The following UGGT2 variants were observed in gnomAD, a reference collection of about 807,000 sequenced individuals.
UGGT2 encodes the protein UDP-glucose:glycoprotein glucosyltransferase 2.
A neutral mutation model predicts 192.1 loss-of-function variants in UGGT2; 180 were observed. That is an observed-to-expected ratio of 0.94 (90% CI 0.83 to 1.06). The LOEUF (loss-of-function observed/expected upper bound fraction) is 1.06. UGGT2 is among the 50% of genes least tolerant of loss of function. The pLI is 0.00. For missense variants in UGGT2, 1,849 were observed against 1,795.7 expected (o/e 1.03, Z -0.54); for synonymous variants, 580 against 591.0 (o/e 0.98, Z 0.27).
Position 95,808,973 on chromosome 13 carries a change from T to C in UGGT2, c.4529-7161A>G, listed in dbSNP as rs544284794. 1.5e-4 allele frequency among the ~76,000 whole-genome samples: 23 copies of C among 152,310 alleles called. 1 individual carries two copies. The South Asian group carries it at 4.8e-3, about 32-fold the overall frequency. ...TTCAGTACAGGACCGTGACTCCATATTGCTGTTTAGTATGCTTTGTATTAT... is the reference window on the plus strand; with the variant it reads ...TTCAGTACAGGACCGTGACTCCATACTGCTGTTTAGTATGCTTTGTATTAT... On this transcript the variant is annotated intron_variant, in intron 38 of 38. Coordinates refer to ENST00000376747, the MANE Select transcript of UGGT2 (RefSeq NM_020121.4).
intron 38 of UGGT2, among the ~76,000 whole-genome samples, chr13:95,811,518 A>G (rs769509724): frequency 6.6e-6 from 1 of 152,154 alleles, no homozygotes; most frequent in Non-Finnish European, 1.5e-5. Context: ...GAGGTAGTGA[A>G]TATGTTCTAA....
At chr13:95,968,936 CTT>C (rs2050678821) in intron 12 of UGGT2, among the ~76,000 whole-genome samples, 1 of 152,140 alleles carries the variant, frequency 6.6e-6, no homozygotes, top group Admixed American at 6.6e-5. Flanking sequence ...ATGACTGTCT[CTT>C]GACTGGGTCC....
At chr13:95,963,791 C>T (rs1370519524) in intron 12 of UGGT2, among the ~76,000 whole-genome samples, 2 of 151,810 alleles carry the variant, frequency 1.3e-5, no homozygotes, top group African/African-American at 2.4e-5. Flanking sequence ...ACAGTAGCTG[C>T]AAAAAATACT....
intron 7 of UGGT2, among the ~76,000 whole-genome samples, chr13:95,994,159 T>G (rs1397102721): frequency 6.6e-6 from 1 of 152,036 alleles, no homozygotes; most frequent in African/African-American, 2.4e-5. Flanking sequence ...TTCTATAAAG[T>G]TTTTAGTTTT....
intron 10 of UGGT2, among the ~76,000 whole-genome samples, chr13:95,976,897 A>C (rs1468584698): frequency 6.6e-6 from 1 of 152,176 alleles, no homozygotes; most frequent in Non-Finnish European, 1.5e-5. Context: ...ACAACACCAC[A>C]CATCTACAAC....
chr13:95,938,132 T>G (rs549857079), intron 16 of UGGT2, among the ~76,000 whole-genome samples: 1 of 152,326 alleles, frequency 6.6e-6, no homozygotes, highest in South Asian at 2.1e-4. Flanking sequence ...CCCAGCCACG[T>G]GGAACTGTAA....
chr13:95,818,186 G>A (rs1007679951), intron 38 of UGGT2, among the ~76,000 whole-genome samples: 3 of 152,078 alleles, frequency 2.0e-5, no homozygotes, highest in South Asian at 2.1e-4. Flanking sequence ...AATGGTGCAC[G>A]CCTGTAGTCC....
At chr13:96,051,042 T>C (rs190343548) in intron 1 of UGGT2, among the ~76,000 whole-genome samples, 59 of 152,336 alleles carry the variant, frequency 3.9e-4, no homozygotes, top group South Asian at 2.5e-3. Context: ...CACATGTTTA[T>C]TGCGGCACTA....
intron 9 of UGGT2, chr13:95,985,191 CCATTA>C (rs2051250755): frequency 2.3e-6 from 2 of 872,138 alleles, no homozygotes; most frequent in Non-Finnish European, 3.1e-6. Context: ...TTTATAACGG[CCATTA>C]ATTAAAATAT....
At chr13:95,943,173 T>C (rs1249316682) in intron 15 of UGGT2, among the ~76,000 whole-genome samples, 4 of 152,246 alleles carry the variant, frequency 2.6e-5, no homozygotes, top group Admixed American at 6.5e-5. Flanking sequence ...GTCTCACCCA[T>C]TTTGAGTCTT....
At position 95,867,388 on chromosome 13, in the gene UGGT2, T is replaced by C. The variant is rs772158893; in HGVS notation, c.3509A>G (p.Asp1170Gly). The change falls in exon 30 of 39, where the codon GAT (aspartate) becomes GGT (glycine). Residue 1170 changes from aspartate (D) to glycine (G), a missense_variant. Coordinates refer to ENST00000376747, the MANE Select transcript of UGGT2 (RefSeq NM_020121.4). ...GAAGCTGTTTAATACAACAATGATA[T>C]CTTCTAGGTCTGCTTGAGAGTCAGT... ...EGTDSQADLEDIIVVLNSFKS... is the reference protein window; with the variant it reads ...EGTDSQADLEGIIVVLNSFKS... 6 of 1,608,834 alleles carry C rather than the reference T, an allele frequency of 3.7e-6. No homozygotes were observed. The highest frequency in any genetic ancestry group is 1.7e-5 in the Admixed American group (1 of 59,106).
intron 35 of UGGT2, among the ~76,000 whole-genome samples, 190 bp from the exon 36 acceptor site, chr13:95,853,847 T>C (rs1288031430): frequency 1.3e-5 from 2 of 152,212 alleles, no homozygotes; most frequent in African/African-American, 2.4e-5. Flanking sequence ...TGTTTTAATT[T>C]TGGTAGAACC....
chr13:95,854,448 G>C lies in UGGT2; in HGVS notation c.4036C>G (p.Arg1346Gly). The C allele has an allele frequency of 6.2e-7, 1 of 1,610,272 alleles. No homozygotes were observed. The highest frequency in any genetic ancestry group is 2.2e-5 in the East Asian group (1 of 44,802). The change falls in exon 35 of 39, where the codon CGA becomes GGA. Residue 1346 changes from arginine to glycine, a missense_variant. By Grantham distance (125) the Arg-to-Gly change is moderately radical. Coordinates refer to ENST00000376747, the MANE Select transcript of UGGT2 (RefSeq NM_020121.4). ...QIVRHDLKEL[R>G]DFDLDGAPYG... The stretch of plus-strand genomic sequence containing the variant: ...GGAGCTCCATCCAGATCGAAATCTC[G>C]AAGTTCTTTTAGATCATGTCTCACA...
intron 5 of UGGT2, among the ~76,000 whole-genome samples, chr13:96,003,736 T>A (rs1363973613): frequency 6.6e-6 from 1 of 152,158 alleles, no homozygotes; most frequent in East Asian, 1.9e-4. Context: ...GTCAGAATAA[T>A]TTGAATCCCC....
At position 95,828,124 on chromosome 13, in the gene UGGT2, C is replaced by T. The variant is rs1196468919; in HGVS notation, c.4528+4803G>A. 5.3e-5 allele frequency among the ~76,000 whole-genome samples: 8 copies of T among 152,062 alleles called. No individual in the cohort carries two copies. In the South Asian group the frequency reaches 1.5e-3, roughly 28 times the overall value. On this transcript the variant is annotated intron_variant, in intron 38 of 38. Transcript: ENST00000376747. Reference sequence around the variant, plus strand: ...CAGCCCTATGATTAAACCTCTCTCTCTGCTGCAACCTGGACATATCAGAAT... The same window carrying T: ...CAGCCCTATGATTAAACCTCTCTCTTTGCTGCAACCTGGACATATCAGAAT...
chr13:95,943,564 A>AT (rs932584051), intron 15 of UGGT2, among the ~76,000 whole-genome samples: 9 of 152,104 alleles, frequency 5.9e-5, no homozygotes, highest in Non-Finnish European at 1.2e-4. Flanking sequence ...TGTAGTAGGC[A>AT]TTTAATAAAA....
chr13:95,853,421 A>G, intron 36 of UGGT2, 122 bp downstream of exon 36: 1 of 635,848 alleles, frequency 1.6e-6, no homozygotes, highest in Non-Finnish European at 2.6e-6. Flanking sequence ...CCAATAGATA[A>G]TTACATAAAC....
chr13:95,853,427 T>G, intron 36 of UGGT2, 116 bp downstream of exon 36: 2 of 663,406 alleles, frequency 3.0e-6, no homozygotes, highest in South Asian at 4.6e-5. Context: ...GATAATTACA[T>G]AAACAGCAGT....
chr13:95,902,730 G>C (rs1209425659), intron 21 of UGGT2, 124 bp downstream of exon 21: 2 of 935,846 alleles, frequency 2.1e-6, no homozygotes, highest in Admixed American at 5.6e-5. Context: ...CATTTGAAAA[G>C]GAATGTTTAT....
Sources: gnomAD v4.1 joint callset for allele counts (sites outside exome capture counted in the v4.1 genomes callset) on GRCh38, gnomAD v4.1.1 for gene constraint, MANE v1.5 for transcripts, NCBI Gene and HGNC (gene_info 2026-07-23, HGNC 2026-07-21) for gene names.